ATG10: variants seen among roughly 807,000 people sequenced by gnomAD.
ATG10 encodes the protein ubiquitin-like-conjugating enzyme ATG10.
Under a neutral mutation model 32.1 loss-of-function variants are expected in ATG10, and 30 were observed. That is an observed-to-expected ratio of 0.94 (90% confidence interval 0.70 to 1.27). ATG10 has a LOEUF of 1.27. Among genes scored for constraint, ATG10 ranks in the 50% most tolerant of loss-of-function variants. The pLI, the probability that ATG10 is intolerant of heterozygous loss-of-function variation, is 0.00. For missense variants in ATG10, 233 were observed against 262.3 expected (o/e 0.89, Z 0.77); for synonymous variants, 87 against 91.5 (o/e 0.95, Z 0.28).
chr5:82,008,275 C>T (rs772551228), intron 2 of ATG10, among the ~76,000 whole-genome samples: 2 of 152,004 alleles, frequency 1.3e-5, no homozygotes, highest in Non-Finnish European at 2.9e-5. Flanking sequence ...CATATAATCT[C>T]TTGATGAAGC....
At chr5:82,170,821 G>A (rs748663833) in intron 4 of ATG10, among the ~76,000 whole-genome samples, 1 of 152,036 alleles carries the variant, frequency 6.6e-6, no homozygotes, top group Admixed American at 6.6e-5. Flanking sequence ...GGTAGCAAGC[G>A]CCTGTACTCC....
At chr5:82,105,574 T>G (rs1219478392) in intron 3 of ATG10, among the ~76,000 whole-genome samples, 3 of 152,144 alleles carry the variant, frequency 2.0e-5, no homozygotes, top group Non-Finnish European at 2.9e-5. Context: ...TCTAATGATT[T>G]GACAGCTCTG....
intron 3 of ATG10, among the ~76,000 whole-genome samples, chr5:82,101,769 A>G (rs2149804356): frequency 6.6e-6 from 1 of 152,318 alleles, no homozygotes; most frequent in Admixed American, 6.5e-5. Flanking sequence ...GAGACCTGAT[A>G]TGTAGTTTTT....
At position 82,010,290 on chromosome 5, in the gene ATG10, CAT is replaced by C. The variant is rs1184200096; in HGVS notation, c.108+22615_108+22616del. Among the ~76,000 whole-genome samples, 6 of 152,268 alleles carry C rather than the reference CAT, an allele frequency of 3.9e-5. No individual in the cohort carries two copies. In the East Asian group the frequency reaches 1.2e-3, roughly 29 times the overall value. On this transcript the variant is annotated intron_variant, in intron 2 of 7. Coordinates refer to ENST00000282185, the MANE Select transcript of ATG10 (RefSeq NM_031482.5). ...TGTGATTATTTTGGCTAATTCCCCT[CAT>C]ATGTGGGGAATTTCGTTTTGGTACC... is the stretch of plus-strand genomic sequence containing the variant.
At chr5:82,177,668 T>C (rs1198083011) in intron 4 of ATG10, among the ~76,000 whole-genome samples, 1 of 152,166 alleles carries the variant, frequency 6.6e-6, no homozygotes, top group Non-Finnish European at 1.5e-5. Flanking sequence ...TTTTTCCACT[T>C]TACTTACCTT....
At chr5:82,112,893 T>G (rs1765661571) in intron 3 of ATG10, among the ~76,000 whole-genome samples, 1 of 151,914 alleles carries the variant, frequency 6.6e-6, no homozygotes, top group African/African-American at 2.4e-5. Flanking sequence ...TTAAAATTGG[T>G]ATCAGCCTTG....
Position 81,989,811 on chromosome 5 carries a change from C to T in ATG10, c.108+2133C>T, listed in dbSNP as rs546797065. 4.6e-5 allele frequency among the ~76,000 whole-genome samples: 7 copies of T among 152,092 alleles called. No individual in the cohort carries two copies. In the South Asian group the frequency reaches 1.0e-3, roughly 23 times the overall value. The stretch of plus-strand genomic sequence containing the variant: ...TAGAGACAGGATTTCACCATGGTCT[C>T]GATCTCCTGACCTTGTGATCTGCCT... On this transcript the variant is annotated intron_variant, in intron 2 of 7. Coordinates refer to ENST00000282185, the MANE Select transcript of ATG10 (RefSeq NM_031482.5).
intron 3 of ATG10, among the ~76,000 whole-genome samples, chr5:82,136,209 C>T (rs1189890285): frequency 6.6e-6 from 1 of 152,064 alleles, no homozygotes; most frequent in Non-Finnish European, 1.5e-5. Flanking sequence ...TAATTGGGGG[C>T]ATTTAGCTCA....
chr5:82,185,641 C>CA (rs1159490659), intron 5 of ATG10, among the ~76,000 whole-genome samples: 7 of 151,330 alleles, frequency 4.6e-5, no homozygotes, highest in South Asian at 2.1e-4. Context: ...AAAAACACAA[C>CA]AAAAAAAACA....
chr5:82,131,136 A>T (rs1766503167), intron 3 of ATG10, among the ~76,000 whole-genome samples: 1 of 152,134 alleles, frequency 6.6e-6, no homozygotes, highest in African/African-American at 2.4e-5. Flanking sequence ...GGGTCACGGG[A>T]TCCATACTCC....
chr5:82,252,007 G>A (rs1048436100), intron 5 of ATG10, among the ~76,000 whole-genome samples: 1 of 152,158 alleles, frequency 6.6e-6, no homozygotes, highest in African/African-American at 2.4e-5. Context: ...ACAAACAGAA[G>A]TAGAACAATT....
chr5:82,079,335 C>A (rs937729988), intron 3 of ATG10, among the ~76,000 whole-genome samples: 29 of 150,948 alleles, frequency 1.9e-4, no homozygotes, highest in Non-Finnish European at 3.8e-4. Flanking sequence ...TGGCAGCAGG[C>A]AAAGAGAGAG....
At chr5:82,008,028 G>A (rs1415830270) in intron 2 of ATG10, among the ~76,000 whole-genome samples, 1 of 152,040 alleles carries the variant, frequency 6.6e-6, no homozygotes, top group Non-Finnish European at 1.5e-5. Context: ...TGCTTTATTT[G>A]AGTGACAAAT....
intron 5 of ATG10, among the ~76,000 whole-genome samples, chr5:82,192,407 C>G (rs1425594940): frequency 6.6e-6 from 1 of 152,174 alleles, no homozygotes; most frequent in African/African-American, 2.4e-5. Flanking sequence ...GTTTTTGCAA[C>G]TGAACATTGA....
At chr5:82,004,412 T>C (rs138401622) in intron 2 of ATG10, among the ~76,000 whole-genome samples, 9 of 152,246 alleles carry the variant, frequency 5.9e-5, no homozygotes, top group South Asian at 2.1e-4. Flanking sequence ...TGAATCTGAA[T>C]AGAATCAGTT....
intron 3 of ATG10, chr5:82,147,923 C>G (rs532155974): frequency 5.3e-5 from 8 of 152,276 alleles, no homozygotes; most frequent in Non-Finnish European, 1.2e-4. Flanking sequence ...GTGTTGACTC[C>G]TCTTCAAAAT....
intron 5 of ATG10, among the ~76,000 whole-genome samples, chr5:82,229,774 C>A (rs1294738426): frequency 1.3e-5 from 2 of 152,128 alleles, no homozygotes; most frequent in East Asian, 1.9e-4. Flanking sequence ...GGAGGGCCAA[C>A]TATACTAGCC....
At chr5:82,040,835 C>G (rs1184289623) in intron 2 of ATG10, among the ~76,000 whole-genome samples, 1 of 152,194 alleles carries the variant, frequency 6.6e-6, no homozygotes, top group African/African-American at 2.4e-5. Context: ...TCATGGCCAA[C>G]AAGTCCCTAG....
chr5:82,155,786 T>C (rs1767778174), intron 3 of ATG10, among the ~76,000 whole-genome samples: 1 of 152,196 alleles, frequency 6.6e-6, no homozygotes, highest in South Asian at 2.1e-4. Context: ...TTTCTGGCTC[T>C]GGAGTTAAAA....
Sources: gnomAD v4.1 joint callset for allele counts (sites outside exome capture counted in the v4.1 genomes callset) on GRCh38, gnomAD v4.1.1 for gene constraint, MANE v1.5 for transcripts, NCBI Gene and HGNC (gene_info 2026-07-23, HGNC 2026-07-21) for gene names.